The following CFAP299 variants were observed in gnomAD, a reference collection of about 807,000 sequenced individuals.
CFAP299 encodes the protein cilia- and flagella-associated protein 299.
A neutral mutation model predicts 27.0 loss-of-function variants in CFAP299; 21 were observed. The ratio of observed to expected loss-of-function variants is 0.78; its 90% CI spans 0.55 to 1.12. CFAP299 has a LOEUF of 1.12. CFAP299 is among the 50% of genes most tolerant of loss of function. The pLI is 0.00. For missense variants in CFAP299, 310 were observed against 276.6 expected, an observed-to-expected ratio of 1.12 and a Z score of -0.86; for synonymous variants, 104 against 98.1, an observed-to-expected ratio of 1.06 and a Z score of -0.36.
chr4:80,462,727 G>C (rs887022141), intron 2 of CFAP299, among the ~76,000 whole-genome samples: 4 of 152,126 alleles, frequency 2.6e-5, no homozygotes, highest in Non-Finnish European at 5.9e-5. Flanking sequence ...CAAACCACGT[G>C]ATCCAGAGAT....
intron 3 of CFAP299, among the ~76,000 whole-genome samples, chr4:80,791,611 T>C (rs1021350523): frequency 6.6e-6 from 1 of 152,048 alleles, no homozygotes; most frequent in African/African-American, 2.4e-5. Flanking sequence ...AGCATCTTAT[T>C]GATGCAGAGG....
chr4:80,755,325 T>C lies in CFAP299; in HGVS notation c.334-114668T>C, dbSNP rs996824269. On this transcript the variant is annotated intron_variant, in intron 3 of 5. Transcript: ENST00000358105. Reference sequence around the variant, plus strand: ...CAAAAAAAAAGACAAATAAAAATTATGAGTGAGAAATGTTAAGCTCTTTGT... The same window carrying C: ...CAAAAAAAAAGACAAATAAAAATTACGAGTGAGAAATGTTAAGCTCTTTGT... Among the ~76,000 whole-genome samples the C allele has an allele frequency of 2.6e-5, 4 of 152,138 alleles. No individual in the cohort carries two copies. The South Asian group carries it at 8.3e-4, about 31-fold the overall frequency.
rs1560749067 is a variant in CFAP299 at position 80,782,611 on chromosome 4, T to TGAA, written c.334-87382_334-87381insGAA. 6.3e-5 allele frequency among the ~76,000 whole-genome samples: 8 copies of TGAA among 127,034 alleles called. 1 individual carries two copies. The East Asian group carries it at 8.4e-4, about 13-fold the overall frequency. The allele number at this position is 127,034 out of a possible 152,430, so 83.3% of individuals were successfully genotyped here. A position where few individuals can be genotyped will look rare whatever the true frequency, so the allele number is the denominator to read the frequency against. On this transcript the variant is annotated intron_variant, in intron 3 of 5. Coordinates refer to ENST00000358105, the MANE Select transcript of CFAP299 (RefSeq NM_152770.3). ...TATATTCATATATAATATACATATA[T>TGAA]TAATATATAATATATTCATATATAA... is the stretch of plus-strand genomic sequence containing the variant.
At chr4:80,612,181 A>G (rs1220256416) in intron 3 of CFAP299, among the ~76,000 whole-genome samples, 2 of 152,056 alleles carry the variant, frequency 1.3e-5, no homozygotes, top group Non-Finnish European at 2.9e-5. Flanking sequence ...CAGAACACAA[A>G]GGAAGTATAT....
intron 2 of CFAP299, 26 bp downstream of exon 2, chr4:80,362,910 A>G (rs1265316613): frequency 1.3e-6 from 2 of 1,589,642 alleles, no homozygotes; most frequent in Admixed American, 3.8e-5. Context: ...CCAAATCCAG[A>G]TTTTATGTTA....
intron 4 of CFAP299, among the ~76,000 whole-genome samples, chr4:80,891,220 C>G (rs1250968345): frequency 2.0e-5 from 3 of 148,840 alleles, no homozygotes; most frequent in African/African-American, 7.5e-5. Context: ...TTTAATCCAT[C>G]TTGAATTGAT....
chr4:80,783,489 T>A (rs1727051999), intron 3 of CFAP299, among the ~76,000 whole-genome samples: 1 of 152,186 alleles, frequency 6.6e-6, no homozygotes, highest in African/African-American at 2.4e-5. Flanking sequence ...TACATAATTA[T>A]AATGTATTCA....
Position 80,898,092 on chromosome 4 carries a change from T to TA in CFAP299, c.476+27958dup, listed in dbSNP as rs541507177. Among the ~76,000 whole-genome samples, 468 of 152,314 alleles carry TA rather than the reference T, an allele frequency of 3.1e-3. 2 individuals are homozygous for TA. The highest frequency in any genetic ancestry group is 0.011 in the African/African-American group (449 of 41,572). ...GGAAGTGTTACAGTAAGGGCTCTTT[T>TA]AGCTCTGCCATCTGTGGATGGTTTA... On this transcript the variant is annotated intron_variant, in intron 4 of 5. Coordinates refer to ENST00000358105, the MANE Select transcript of CFAP299 (RefSeq NM_152770.3).
At chr4:80,328,775 A>G in the CFAP299 span, among the ~76,000 whole-genome samples, 1 of 152,142 alleles carries the variant, frequency 6.6e-6, no homozygotes, top group Non-Finnish European at 1.5e-5. Flanking sequence ...GCTAAATCTG[A>G]ACAGTTATTG....
At chr4:80,897,920 C>T (rs7673771) in intron 4 of CFAP299, among the ~76,000 whole-genome samples, 12,123 of 152,210 alleles carry the variant, frequency 0.08, 560 homozygotes, top group Middle Eastern at 0.18. Context: ...ACTCAGCCTG[C>T]GGCACTCAAC....
intron 2 of CFAP299, among the ~76,000 whole-genome samples, chr4:80,372,920 C>T (rs1430697059): frequency 6.6e-6 from 1 of 152,192 alleles, no homozygotes; most frequent in Non-Finnish European, 1.5e-5. Flanking sequence ...TTCACGAAAT[C>T]AATAGCTACA....
intron 3 of CFAP299, among the ~76,000 whole-genome samples, chr4:80,791,402 G>T (rs1727560966): frequency 6.6e-6 from 1 of 152,048 alleles, no homozygotes; most frequent in Non-Finnish European, 1.5e-5. Context: ...CTATTCTGAA[G>T]AGTTGTAGTG....
At chr4:80,327,273 A>G in the CFAP299 span, among the ~76,000 whole-genome samples, 3 of 152,194 alleles carry the variant, frequency 2.0e-5, no homozygotes, top group Non-Finnish European at 4.4e-5. Flanking sequence ...CCAAGAAAAC[A>G]TGACCAAGCA....
intron 2 of CFAP299, among the ~76,000 whole-genome samples, chr4:80,450,439 A>G (rs1394255022): frequency 6.6e-6 from 1 of 152,186 alleles, no homozygotes; most frequent in Admixed American, 6.5e-5. Context: ...CTGAAGAGAA[A>G]TGCTTGGAAG....
At chr4:80,663,810 G>A (rs578087576) in intron 3 of CFAP299, among the ~76,000 whole-genome samples, 7 of 152,204 alleles carry the variant, frequency 4.6e-5, no homozygotes, top group African/African-American at 1.4e-4. Flanking sequence ...GTTTACTGAC[G>A]TTTTAATGAT....
intron 3 of CFAP299, among the ~76,000 whole-genome samples, chr4:80,739,105 T>C (rs1724096633): frequency 6.6e-6 from 1 of 152,168 alleles, no homozygotes; most frequent in Middle Eastern, 3.2e-3. Flanking sequence ...TTATGTATTA[T>C]TGTACTGTCC....
At chr4:80,562,957 A>G (rs1735113762) in intron 2 of CFAP299, among the ~76,000 whole-genome samples, 1 of 152,068 alleles carries the variant, frequency 6.6e-6, no homozygotes, top group African/African-American at 2.4e-5. Flanking sequence ...AAAGAAGGTC[A>G]CTGTATAATG....
At chr4:80,667,131 C>A (rs1052606825) in intron 3 of CFAP299, among the ~76,000 whole-genome samples, 1 of 152,094 alleles carries the variant, frequency 6.6e-6, no homozygotes, top group South Asian at 2.1e-4. Context: ...TTTGTTCAGC[C>A]ATTCTTTATC....
At chr4:80,597,589 G>A (rs1275800288) in intron 3 of CFAP299, among the ~76,000 whole-genome samples, 1 of 152,116 alleles carries the variant, frequency 6.6e-6, no homozygotes, top group Non-Finnish European at 1.5e-5. Flanking sequence ...CGCTGTTTAA[G>A]ATATCTTTGC....
Sources: gnomAD v4.1 joint callset for allele counts (sites outside exome capture counted in the v4.1 genomes callset) on GRCh38, gnomAD v4.1.1 for gene constraint, MANE v1.5 for transcripts, NCBI Gene and HGNC (gene_info 2026-07-23, HGNC 2026-07-21) for gene names.